Variants in TNKS observed in about 807,000 individuals in gnomAD.
The protein encoded by TNKS is tankyrase.
In TNKS, 72 loss-of-function variants were observed where a neutral mutation model predicts 135.8. The ratio of observed to expected loss-of-function variants is 0.53; its 90% confidence interval spans 0.44 to 0.64. The LOEUF (loss-of-function observed/expected upper bound fraction) is 0.64. Ranked by LOEUF, TNKS falls within the 30% of genes least tolerant of loss-of-function variation. The pLI, the probability that TNKS is intolerant of heterozygous loss-of-function variation, is 0.00. For missense variants in TNKS, 1,769 were observed against 1,674.0 expected (o/e 1.06, Z -0.99); for synonymous variants, 849 against 649.3 (o/e 1.31, Z -4.68).
At chr8:9,571,035 A>G (rs1390520370) in intron 1 of TNKS, among the ~76,000 whole-genome samples, 4 of 152,274 alleles carry the variant, frequency 2.6e-5, no homozygotes, top group African/African-American at 7.2e-5. Flanking sequence ...TAAAAATTAC[A>G]TTCGGGGGCA....
intron 8 of TNKS, 138 bp downstream of exon 8, chr8:9,707,135 T>C: frequency 1.4e-6 from 1 of 738,908 alleles, no homozygotes; most frequent in Non-Finnish European, 2.0e-6. Context: ...TTGTATACTT[T>C]TCTTCATGAA....
chr8:9,672,667 A>AC (rs1375003382), intron 3 of TNKS, among the ~76,000 whole-genome samples: 10 of 141,904 alleles, frequency 7.0e-5, no homozygotes, highest in Non-Finnish European at 1.5e-4. Flanking sequence ...AAAAAAAAAA[A>AC]AAAAAAAAAC....
intron 3 of TNKS, among the ~76,000 whole-genome samples, chr8:9,637,031 A>G (rs1406489712): frequency 6.6e-6 from 1 of 152,216 alleles, no homozygotes; most frequent in Non-Finnish European, 1.5e-5. Flanking sequence ...CTGAATTGAC[A>G]GCTTGAGTGG....
intron 3 of TNKS, among the ~76,000 whole-genome samples, chr8:9,620,724 C>A (rs80290635): frequency 0.086 from 13,050 of 152,218 alleles, 591 homozygotes; most frequent in South Asian, 0.17. Flanking sequence ...TGGAACACTT[C>A]CCCAGTTCAT....
chr8:9,640,346 T>G (rs111765700), intron 3 of TNKS, among the ~76,000 whole-genome samples: 12,236 of 136,304 alleles, frequency 0.09, 764 homozygotes, highest in Admixed American at 0.15. Flanking sequence ...GGAGCCCTCA[T>G]GACCTAATCA....
intron 3 of TNKS, among the ~76,000 whole-genome samples, chr8:9,674,924 G>A (rs946207292): frequency 6.6e-6 from 1 of 152,196 alleles, no homozygotes; most frequent in East Asian, 1.9e-4. Flanking sequence ...GTATCATAAT[G>A]AGTAGAAATA....
intron 26 of TNKS, among the ~76,000 whole-genome samples, chr8:9,775,420 A>T (rs1808169172): frequency 6.9e-6 from 1 of 144,890 alleles, no homozygotes; most frequent in South Asian, 2.2e-4. Context: ...CTAAAATCAG[A>T]GCAGACTGGA....
intron 3 of TNKS, among the ~76,000 whole-genome samples, chr8:9,616,982 G>C (rs975550151): frequency 2.0e-5 from 3 of 152,110 alleles, no homozygotes; most frequent in Middle Eastern, 3.2e-3. Flanking sequence ...TAGTAACAGG[G>C]GTAGGTTATA....
In TNKS at chr8:9,572,474, C is replaced by G. The variant is rs555762344; in HGVS notation, c.674-7685C>G. ...TCATTATTTCTACAATATTTCCTCT[C>G]TTCCCATCCTCTATCTCTCTTACGT... On this transcript the variant is annotated intron_variant, in intron 1 of 26. Coordinates refer to ENST00000310430, the MANE Select transcript of TNKS (RefSeq NM_003747.3). Among the ~76,000 whole-genome samples the G allele has an allele frequency of 3.0e-4, 45 of 152,300 alleles. No homozygotes were observed. In the South Asian group the frequency reaches 5.4e-3, roughly 18 times the overall value.
intron 1 of TNKS, among the ~76,000 whole-genome samples, chr8:9,559,370 C>T (rs909702479): frequency 4.6e-5 from 7 of 151,868 alleles, no homozygotes; most frequent in Non-Finnish European, 1.0e-4. Context: ...TTGGAAGGGA[C>T]GATGTTAACT....
In TNKS at chr8:9,761,510, T is replaced by C; in HGVS notation, c.3154-6T>C. Reference sequence around the variant, plus strand: ...ATATCCTAGCTAATTTTGTTTCATTTTTCAGATTACACTAGATGTGTTGGC... The same window carrying C: ...ATATCCTAGCTAATTTTGTTTCATTCTTCAGATTACACTAGATGTGTTGGC... On this transcript the variant is annotated splice_region_variant and splice_polypyrimidine_tract_variant and intron_variant, in intron 20 of 26. Coordinates refer to ENST00000310430, the MANE Select transcript of TNKS (RefSeq NM_003747.3). 6.2e-7 allele frequency: 1 copy of C among 1,612,494 alleles called. No individual in the cohort carries two copies. The highest frequency in any genetic ancestry group is 1.3e-5 in the African/African-American group (1 of 74,930).
intron 20 of TNKS, among the ~76,000 whole-genome samples, chr8:9,757,086 C>G (rs1399377212): frequency 1.3e-5 from 2 of 152,336 alleles, no homozygotes; most frequent in East Asian, 1.9e-4. Flanking sequence ...ACACGATTCT[C>G]TTGCCTCAGC....
chr8:9,694,967 C>G (rs73664781), intron 5 of TNKS, among the ~76,000 whole-genome samples: 129 of 152,212 alleles, frequency 8.5e-4, no homozygotes, highest in African/African-American at 2.9e-3. Context: ...GTAGTTATAA[C>G]TTGAAAAACT....
At chr8:9,698,693 A>G (rs184979997) in intron 5 of TNKS, among the ~76,000 whole-genome samples, 1 of 152,234 alleles carries the variant, frequency 6.6e-6, no homozygotes, top group Non-Finnish European at 1.5e-5. Context: ...TTGAAGCCAC[A>G]GCTTTGCAAA....
intron 3 of TNKS, chr8:9,679,698 G>C: frequency 2.3e-6 from 1 of 436,378 alleles, no homozygotes; most frequent in East Asian, 3.6e-5. Flanking sequence ...ACGAGATTTA[G>C]CATTCATTGG....
At chr8:9,566,984 C>T (rs1797569588) in intron 1 of TNKS, among the ~76,000 whole-genome samples, 1 of 152,204 alleles carries the variant, frequency 6.6e-6, no homozygotes, top group South Asian at 2.1e-4. Flanking sequence ...TAAACCCAAT[C>T]TGGTTGTCGT....
intron 5 of TNKS, among the ~76,000 whole-genome samples, chr8:9,699,592 G>C (rs900609352): frequency 1.3e-5 from 2 of 152,080 alleles, no homozygotes; most frequent in African/African-American, 4.8e-5. Context: ...ATTCACATGG[G>C]AATGATGACT....
intron 1 of TNKS, among the ~76,000 whole-genome samples, chr8:9,567,339 G>A (rs531527063): frequency 2.6e-5 from 4 of 152,348 alleles, no homozygotes; most frequent in South Asian, 2.1e-4. Flanking sequence ...AACATAAAAA[G>A]TGTGATTGGA....
intron 2 of TNKS, among the ~76,000 whole-genome samples, chr8:9,599,877 T>A (rs893364227): frequency 1.3e-5 from 2 of 152,306 alleles, no homozygotes; most frequent in South Asian, 2.1e-4. Context: ...TTTATTATTG[T>A]AAAATTTCAT....
Sources: allele counts gnomAD v4.1 joint callset (sites outside exome capture counted in the v4.1 genomes callset), GRCh38; gene constraint gnomAD v4.1.1; transcripts MANE v1.5; gene names NCBI Gene and HGNC (gene_info 2026-07-23, HGNC 2026-07-21).